Variants in LRBA observed in about 807,000 individuals in gnomAD.
LRBA encodes the protein LPS responsive beige-like anchor protein.
LRBA carries 176 observed loss-of-function variants against 330.0 expected under a neutral mutation model. That is an observed-to-expected ratio of 0.53 (90% CI 0.47 to 0.60). The LOEUF (loss-of-function observed/expected upper bound fraction) is 0.60, where lower values mean the gene tolerates loss of function less well. LRBA is among the 20% of genes least tolerant of loss of function. LRBA has a pLI of 0.00. For missense variants in LRBA, 3,259 were observed against 3,444.8 expected, an observed-to-expected ratio of 0.95 and a Z score of 1.35; for synonymous variants, 1,230 against 1,193.0, an observed-to-expected ratio of 1.03 and a Z score of -0.64.
chr4:150,392,315 G>C (rs576830511), intron 47 of LRBA, among the ~76,000 whole-genome samples: 2 of 152,278 alleles, frequency 1.3e-5, no homozygotes, highest in South Asian at 4.1e-4. Flanking sequence ...CCTTTTACTG[G>C]ATTGTAGACA....
intron 13 of LRBA, among the ~76,000 whole-genome samples, chr4:150,905,068 T>C (rs1269494988): frequency 1.3e-5 from 2 of 152,166 alleles, no homozygotes; most frequent in East Asian, 3.8e-4. Context: ...TTATGCTTAA[T>C]ACTGCCACTA....
chr4:150,602,729 G>A lies in LRBA; in HGVS notation c.5922-3598C>T, dbSNP rs576703426. On this transcript the variant is annotated intron_variant, in intron 37 of 56. Transcript: ENST00000651943. ...CCTCAAAAGCCTCTTCCAGGCAAAA[G>A]AGGATACAAAATTGGCAAATTTATT... Among the ~76,000 whole-genome samples, 9 of 152,150 alleles carry A rather than the reference G, an allele frequency of 5.9e-5. No homozygotes were observed. In the South Asian group the frequency reaches 1.7e-3, roughly 28 times the overall value.
At chr4:150,838,090 C>T (rs1003697692) in intron 28 of LRBA, among the ~76,000 whole-genome samples, 10 of 152,130 alleles carry the variant, frequency 6.6e-5, no homozygotes, top group African/African-American at 1.7e-4. Flanking sequence ...GTTGAAAATT[C>T]GTTTCTTTAA....
intron 2 of LRBA, among the ~76,000 whole-genome samples, chr4:150,987,657 G>C (rs1202561815): frequency 1.3e-5 from 2 of 151,634 alleles, no homozygotes; most frequent in Non-Finnish European, 2.9e-5. Context: ...AGTGAGCTGA[G>C]ATCGCACCAC....
chr4:150,751,002 T>C (rs13130300), intron 35 of LRBA, among the ~76,000 whole-genome samples: 104,666 of 151,718 alleles, frequency 0.69, 41,943 homozygotes, highest in Non-Finnish European at 0.9. Flanking sequence ...AGGTAGGCTA[T>C]ACCCCATCAT....
At chr4:150,842,508 A>G in intron 28 of LRBA, among the ~76,000 whole-genome samples, 1 of 152,236 alleles carries the variant, frequency 6.6e-6, no homozygotes, top group Non-Finnish European at 1.5e-5. Context: ...TATGGACAAT[A>G]GACTCAGAAC....
chr4:150,663,277 A>G (rs980165484), intron 37 of LRBA, among the ~76,000 whole-genome samples: 3 of 103,960 alleles, frequency 2.9e-5, no homozygotes, highest in African/African-American at 1.1e-4. Context: ...TTCCAGAAAA[A>G]ACTTTGAAGT....
chr4:150,982,154 C>T (rs1192128122), intron 2 of LRBA, among the ~76,000 whole-genome samples: 1 of 152,076 alleles, frequency 6.6e-6, no homozygotes, highest in Non-Finnish European at 1.5e-5. Flanking sequence ...CCACCATACA[C>T]ACTAGATTAA....
intron 42 of LRBA, among the ~76,000 whole-genome samples, chr4:150,473,775 C>G (rs1456029459): frequency 6.6e-6 from 1 of 152,126 alleles, no homozygotes; most frequent in Admixed American, 6.6e-5. Flanking sequence ...GATTTCTCAG[C>G]CTCCATGGTC....
intron 56 of LRBA, among the ~76,000 whole-genome samples, chr4:150,270,634 AAATT>A (rs1299550893): frequency 6.6e-6 from 1 of 152,228 alleles, no homozygotes; most frequent in East Asian, 1.9e-4. Context: ...TAATGCCACT[AAATT>A]ATATATCGAA....
intron 40 of LRBA, among the ~76,000 whole-genome samples, chr4:150,500,463 G>C (rs545564284): frequency 6.6e-6 from 1 of 152,154 alleles, no homozygotes; most frequent in South Asian, 2.1e-4. Context: ...TGTAATCCCA[G>C]CTTACTCAGG....
intron 34 of LRBA, among the ~76,000 whole-genome samples, chr4:150,788,797 A>C (rs1739468179): frequency 6.7e-6 from 1 of 148,500 alleles, no homozygotes; most frequent in Non-Finnish European, 1.5e-5. Flanking sequence ...AATCTAGGTC[A>C]GGCACAGTGG....
intron 37 of LRBA, among the ~76,000 whole-genome samples, chr4:150,648,653 C>T (rs1779428209): frequency 6.6e-6 from 1 of 151,886 alleles, no homozygotes; most frequent in South Asian, 2.1e-4. Flanking sequence ...GAGTCTCTTT[C>T]CCATGAGATT....
At chr4:150,268,564 G>A (rs184497775) in intron 56 of LRBA, among the ~76,000 whole-genome samples, 32 of 152,304 alleles carry the variant, frequency 2.1e-4, no homozygotes, top group Admixed American at 3.9e-4. Context: ...GACCCAGTGG[G>A]ATTCATTCTG....
chr4:150,536,490 G>A (rs1235836891), intron 40 of LRBA, among the ~76,000 whole-genome samples: 1 of 152,136 alleles, frequency 6.6e-6, no homozygotes, highest in Admixed American at 6.5e-5. Flanking sequence ...GCACAAAGGT[G>A]GCTTCTGGTG....
intron 41 of LRBA, among the ~76,000 whole-genome samples, chr4:150,490,015 G>T (rs892380460): frequency 7.3e-5 from 11 of 151,364 alleles, no homozygotes; most frequent in African/African-American, 2.7e-4. Flanking sequence ...AAGCTCCTTT[G>T]GGACAGCAAG....
chr4:150,704,927 T>C (rs576091281), intron 36 of LRBA, among the ~76,000 whole-genome samples: 1 of 152,296 alleles, frequency 6.6e-6, no homozygotes, highest in South Asian at 2.1e-4. Context: ...AGTATTTACT[T>C]AACACATACA....
chr4:150,589,308 C>T (rs1410027900), intron 39 of LRBA, among the ~76,000 whole-genome samples: 2 of 152,106 alleles, frequency 1.3e-5, no homozygotes, highest in Non-Finnish European at 2.9e-5. Context: ...AGTGCTTAAT[C>T]TCACATCAAT....
Position 150,583,925 on chromosome 4 carries a change from G to A in LRBA, c.6330+4123C>T. ...TGGGACGAGTCGTGCCTGGGCGACC[G>A]GCTCAACGGCATCCTGCTGCAGCTC... is the stretch of plus-strand genomic sequence containing the variant. On this transcript the variant is annotated intron_variant, in intron 40 of 56. Coordinates refer to ENST00000651943, the MANE Select transcript of LRBA (RefSeq NM_001364905.1). The surrounding 1 kb of genome is among the most constrained non-coding windows in gnomAD (Gnocchi z 9.8). The A allele has an allele frequency of 6.2e-7, 1 of 1,612,674 alleles. No homozygotes were observed. Among genetic ancestry groups the A allele is most frequent in the Non-Finnish European group, 8.5e-7 (1 of 1,179,302 alleles).
Sources: allele counts gnomAD v4.1 joint callset (sites outside exome capture counted in the v4.1 genomes callset), GRCh38; gene constraint gnomAD v4.1.1; non-coding constraint Gnocchi (gnomAD v3.1); transcripts MANE v1.5; gene names NCBI Gene and HGNC (gene_info 2026-07-23, HGNC 2026-07-21).